KANK1: variants seen among roughly 807,000 people sequenced by gnomAD.
The protein encoded by KANK1 is KN motif and ankyrin repeat domain-containing protein 1.
In KANK1, 109 loss-of-function variants were observed where a neutral mutation model predicts 106.2. The observed-to-expected ratio is 1.03, with a 90% CI of 0.88 to 1.20. The LOEUF (loss-of-function observed/expected upper bound fraction) is 1.20. Ranked by LOEUF, KANK1 falls within the 50% of genes most tolerant of loss-of-function variation. The pLI is 0.00. For synonymous variants in KANK1, 873 were observed against 652.2 expected (o/e 1.34, Z -5.16); for missense variants, 2,399 against 1,710.7 (o/e 1.40, Z -7.10).
chr9:700,432 C>T (rs1002812093), intron 2 of KANK1, among the ~76,000 whole-genome samples: 1 of 152,200 alleles, frequency 6.6e-6, no homozygotes, highest in Non-Finnish European at 1.5e-5. Flanking sequence ...TCGCTGTCTT[C>T]TTAGAACACT....
rs116693683 is a variant in KANK1 at position 711,570 on chromosome 9, C to T, written c.804C>T (p.Ala268=). ...MHLQHIREQM[A]IALKRLKELE... is the part of the protein sequence containing the mutation. Reference sequence around the variant, plus strand: ...TGCAGCACATCCGCGAGCAGATGGCCATTGCTCTGAAACGCCTGAAGGAGC... The same window carrying T: ...TGCAGCACATCCGCGAGCAGATGGCTATTGCTCTGAAACGCCTGAAGGAGC... The change falls in exon 3 of 12, where the codon GCC becomes GCT. Residue 268 remains alanine, a synonymous_variant. Coordinates refer to ENST00000382297, the MANE Select transcript of KANK1 (RefSeq NM_015158.5). The T allele has an allele frequency of 5.8e-4, 935 of 1,613,972 alleles. 3 individuals are homozygous for T. In the African/African-American group the frequency reaches 8.5e-3, roughly 15 times the overall value.
At chr9:489,306 TTAA>T (rs2058343146) in intron 3 of KANK1, among the ~76,000 whole-genome samples, 1 of 152,150 alleles carries the variant, frequency 6.6e-6, no homozygotes. Context: ...TCCTGGCTAA[TTAA>T]TAACCACCAA....
intron 3 of KANK1, among the ~76,000 whole-genome samples, chr9:728,946 C>G (rs911978287): frequency 6.6e-6 from 1 of 152,196 alleles, no homozygotes; most frequent in Non-Finnish European, 1.5e-5. Flanking sequence ...CCTGTAACTT[C>G]TAGTCCACTA....
intron 3 of KANK1, among the ~76,000 whole-genome samples, chr9:498,023 T>G (rs1478892882): frequency 6.6e-6 from 1 of 152,130 alleles, no homozygotes; most frequent in Non-Finnish European, 1.5e-5. Flanking sequence ...ATATACCCTC[T>G]TAGGCCCTGA....
chr9:541,882 G>C (rs2060621008), intron 1 of KANK1, among the ~76,000 whole-genome samples: 1 of 151,936 alleles, frequency 6.6e-6, no homozygotes, highest in African/African-American at 2.4e-5. Flanking sequence ...GAGGTCAGGA[G>C]ATCGAGACCA....
chr9:550,386 C>G (rs2061204476), intron 1 of KANK1, among the ~76,000 whole-genome samples: 1 of 152,184 alleles, frequency 6.6e-6, no homozygotes, highest in Admixed American at 6.5e-5. Flanking sequence ...GTACATGAAG[C>G]CTGATTGCAG....
chr9:726,204 C>T (rs1830596522), intron 3 of KANK1, among the ~76,000 whole-genome samples: 2 of 151,340 alleles, frequency 1.3e-5, no homozygotes, highest in Admixed American at 6.6e-5. Flanking sequence ...CTAGGGCAGG[C>T]CTTTCCTACA....
At chr9:497,543 A>C (rs1308707945) in intron 3 of KANK1, among the ~76,000 whole-genome samples, 2 of 109,976 alleles carry the variant, frequency 1.8e-5, no homozygotes, top group Non-Finnish European at 3.4e-5. Flanking sequence ...AAAAACTTTC[A>C]AAAAACCCTT....
At chr9:611,596 C>G (rs545263247) in intron 1 of KANK1, among the ~76,000 whole-genome samples, 26 of 152,310 alleles carry the variant, frequency 1.7e-4, no homozygotes, top group South Asian at 2.1e-4. Flanking sequence ...AGGAGTGTGT[C>G]TAAAATTCAG....
chr9:715,030 A>G (rs532732193), intron 3 of KANK1, among the ~76,000 whole-genome samples: 1 of 152,340 alleles, frequency 6.6e-6, no homozygotes, highest in African/African-American at 2.4e-5. Context: ...TGATGGGGCA[A>G]TGATTAAAAT....
intron 2 of KANK1, among the ~76,000 whole-genome samples, chr9:705,617 G>GA (rs1823902594): frequency 6.6e-6 from 1 of 151,674 alleles, no homozygotes; most frequent in African/African-American, 2.4e-5. Flanking sequence ...TGGGGGCGGA[G>GA]ATGAAGTTTT....
At chr9:585,626 G>C (rs1823267968) in intron 1 of KANK1, among the ~76,000 whole-genome samples, 1 of 152,206 alleles carries the variant, frequency 6.6e-6, no homozygotes. Context: ...GTCTTTGTCA[G>C]CTGGACAGCT....
At chr9:470,772 A>G (rs143037386) in intron 2 of KANK1, 15 of 152,490 alleles carry the variant, frequency 9.8e-5, no homozygotes, top group African/African-American at 3.6e-4. Context: ...TACTTCTGGA[A>G]GCTTCTTTCC....
intron 1 of KANK1, among the ~76,000 whole-genome samples, chr9:657,913 C>A (rs898819647): frequency 6.6e-6 from 1 of 151,850 alleles, no homozygotes; most frequent in Non-Finnish European, 1.5e-5. Context: ...TATAGGCTCT[C>A]CCTAAATTGC....
intron 1 of KANK1, among the ~76,000 whole-genome samples, chr9:519,868 A>G (rs966298767): frequency 2.6e-4 from 39 of 151,818 alleles, no homozygotes; most frequent in Middle Eastern, 3.2e-3. Context: ...TTATAAGGCA[A>G]AAACTTAATG....
chr9:484,564 C>T (rs1034714977), intron 3 of KANK1: 1 of 152,202 alleles, frequency 6.6e-6, no homozygotes, highest in Non-Finnish European at 1.5e-5. Flanking sequence ...AATACATTAC[C>T]TCATCCCTCC....
At chr9:509,112 T>C (rs1228173325) in intron 1 of KANK1, among the ~76,000 whole-genome samples, 1 of 152,186 alleles carries the variant, frequency 6.6e-6, no homozygotes, top group Non-Finnish European at 1.5e-5. Context: ...TATTATTTTT[T>C]TTTTGGAGGC....
chr9:664,381 T>G (rs1030744858), intron 1 of KANK1, among the ~76,000 whole-genome samples: 3 of 152,192 alleles, frequency 2.0e-5, no homozygotes, highest in Non-Finnish European at 2.9e-5. Flanking sequence ...TTCATCCATC[T>G]TGCTCCAAAT....
intron 1 of KANK1, among the ~76,000 whole-genome samples, chr9:524,932 A>G (rs183352845): frequency 1.0e-4 from 14 of 139,810 alleles, no homozygotes; most frequent in Non-Finnish European, 1.7e-4. Flanking sequence ...GTAAACTACT[A>G]TTGTCTATTG....
Sources: allele counts gnomAD v4.1 joint callset (sites outside exome capture counted in the v4.1 genomes callset), GRCh38; gene constraint gnomAD v4.1.1; transcripts MANE v1.5; gene names NCBI Gene and HGNC (gene_info 2026-07-23, HGNC 2026-07-21).